The following MCPH1 variants were observed in gnomAD, a reference collection of about 807,000 sequenced individuals.
MCPH1 encodes microcephalin.
MCPH1 carries 104 observed loss-of-function variants against 84.5 expected under a neutral mutation model. The observed-to-expected ratio is 1.23, with a 90% CI of 1.05 to 1.45. The LOEUF (loss-of-function observed/expected upper bound fraction) is 1.45. Among genes scored for constraint, MCPH1 ranks in the 40% most tolerant of loss-of-function variants. The pLI is 0.00. For synonymous variants in MCPH1, 514 were observed against 366.8 expected (o/e 1.40, Z -4.58); for missense variants, 1,498 against 1,005.7 (o/e 1.49, Z -6.62).
intron 3 of MCPH1, among the ~76,000 whole-genome samples, chr8:6,427,216 G>C (rs569491311): frequency 2.0e-5 from 3 of 152,168 alleles, no homozygotes; most frequent in Non-Finnish European, 4.4e-5. Context: ...AATTGAGCTC[G>C]CTAGACTGGA....
intron 12 of MCPH1, chr8:6,513,642 T>C: frequency 1.3e-6 from 2 of 1,582,128 alleles, no homozygotes; most frequent in South Asian, 2.3e-5. Flanking sequence ...CACAAATCTT[T>C]TAATTTTTTC....
intron 12 of MCPH1, chr8:6,514,870 G>T: frequency 1.9e-6 from 2 of 1,073,934 alleles, no homozygotes; most frequent in South Asian, 1.4e-5. Flanking sequence ...CTGAGTGCAG[G>T]ACTCAGCCGA....
chr8:6,528,929 T>C (rs1818912056), intron 12 of MCPH1, among the ~76,000 whole-genome samples: 1 of 152,240 alleles, frequency 6.6e-6, no homozygotes, highest in Non-Finnish European at 1.5e-5. Flanking sequence ...CGTAAGGTTT[T>C]GTTTGGGTTT....
chr8:6,505,364 TATAGAA>T (rs1813275344), intron 12 of MCPH1, among the ~76,000 whole-genome samples: 3 of 79,360 alleles, frequency 3.8e-5, no homozygotes, highest in African/African-American at 1.6e-4. Flanking sequence ...TCTATATGTA[TATAGAA>T]TATATATATT....
At chr8:6,516,688 G>A (rs933466718) in intron 12 of MCPH1, among the ~76,000 whole-genome samples, 2 of 152,184 alleles carry the variant, frequency 1.3e-5, no homozygotes, top group Non-Finnish European at 2.9e-5. Flanking sequence ...ATATATTGAA[G>A]TTAATTCTGT....
chr8:6,574,427 C>G (rs1250138989), intron 12 of MCPH1, among the ~76,000 whole-genome samples: 5 of 152,216 alleles, frequency 3.3e-5, no homozygotes, highest in African/African-American at 9.7e-5. Flanking sequence ...CTCCTCTCAA[C>G]TAGTTAAACC....
intron 8 of MCPH1, chr8:6,447,455 A>G (rs1804566442): frequency 4.1e-6 from 4 of 980,850 alleles, no homozygotes; most frequent in African/African-American, 1.7e-5. Flanking sequence ...TCTAAGATAC[A>G]GTGTAAAAAA....
chr8:6,567,848 G>A (rs1382668428), intron 12 of MCPH1, among the ~76,000 whole-genome samples: 1 of 152,302 alleles, frequency 6.6e-6, no homozygotes, highest in African/African-American at 2.4e-5. Context: ...ACCACAAGAG[G>A]CAAGTGAGAC....
Position 6,409,288 on chromosome 8 carries a change from C to A in MCPH1, c.32C>A (p.Ala11Asp), listed in dbSNP as rs767448816. Residue 11 changes from alanine (A) to aspartate (D), a missense_variant, in exon 2 of 14, where the codon GCC becomes GAC. By Grantham distance (126) the Ala-to-Asp change is moderately radical. Transcript: ENST00000344683. MAAPILKDVV[A>D]YVEVWSSNGT... ...CATATCTTGTTTTCAGATGTAGTGG[C>A]CTATGTTGAAGTGTGGTCATCCAAT... The A allele has an allele frequency of 8.1e-6, 13 of 1,612,720 alleles. No individual in the cohort carries two copies. Among genetic ancestry groups the A allele is most frequent in the Non-Finnish European group, 1.1e-5 (13 of 1,178,790 alleles).
At chr8:6,410,759 G>T (rs1798427798) in intron 2 of MCPH1, among the ~76,000 whole-genome samples, 1 of 152,148 alleles carries the variant, frequency 6.6e-6, no homozygotes, top group South Asian at 2.1e-4. Flanking sequence ...GAAGTAGGGT[G>T]ATCTAAGCTG....
At chr8:6,630,331 G>A (rs1456299513) in intron 13 of MCPH1, among the ~76,000 whole-genome samples, 1 of 152,036 alleles carries the variant, frequency 6.6e-6, no homozygotes, top group Non-Finnish European at 1.5e-5. Context: ...GTTATCGTAA[G>A]GATATTTTAA....
At chr8:6,619,306 T>C (rs1176288980) in intron 12 of MCPH1, 1 of 152,288 alleles carries the variant, frequency 6.6e-6, no homozygotes, top group Non-Finnish European at 1.5e-5. Flanking sequence ...TATTTTATTG[T>C]TTGAGACAGA....
intron 3 of MCPH1, among the ~76,000 whole-genome samples, chr8:6,422,972 G>A (rs1388677939): frequency 6.6e-6 from 1 of 151,418 alleles, no homozygotes; most frequent in Non-Finnish European, 1.5e-5. Context: ...ACAGGCGTGA[G>A]CCACTGTGCC....
chr8:6,546,825 G>C (rs1822664157), intron 12 of MCPH1, among the ~76,000 whole-genome samples: 1 of 152,166 alleles, frequency 6.6e-6, no homozygotes. Flanking sequence ...TCTATGATTT[G>C]ATATGTTTAT....
chr8:6,602,295 G>A (rs967510948), intron 12 of MCPH1, among the ~76,000 whole-genome samples: 2 of 152,222 alleles, frequency 1.3e-5, no homozygotes, highest in Admixed American at 1.3e-4. Flanking sequence ...GCTGGAGCAG[G>A]AGAGGGACCG....
At position 6,549,263 on chromosome 8, in the gene MCPH1, A is replaced by G. The variant is rs185130067; in HGVS notation, c.2214+49334A>G. Among the ~76,000 whole-genome samples, 15 of 152,392 alleles carry G rather than the reference A, an allele frequency of 9.8e-5. No individual in the cohort carries two copies. In the East Asian group the frequency reaches 2.9e-3, roughly 29 times the overall value. ...TACGTAAATTGTGTTATACAGCGAAACACTGCACGGTGATGGAAAAGAAGA... is the reference window on the plus strand; with the variant it reads ...TACGTAAATTGTGTTATACAGCGAAGCACTGCACGGTGATGGAAAAGAAGA... On this transcript the variant is annotated intron_variant, in intron 12 of 13. Coordinates refer to ENST00000344683, the MANE Select transcript of MCPH1 (RefSeq NM_024596.5).
intron 2 of MCPH1, among the ~76,000 whole-genome samples, chr8:6,411,205 C>A (rs900624122): frequency 6.6e-6 from 1 of 152,150 alleles, no homozygotes. Flanking sequence ...GTGGTTGCAG[C>A]CTGTTTGAAC....
chr8:6,411,806 C>T (rs1563167098), intron 2 of MCPH1, among the ~76,000 whole-genome samples: 2 of 152,112 alleles, frequency 1.3e-5, no homozygotes, highest in South Asian at 4.1e-4. Flanking sequence ...AGGATTCAGG[C>T]ATCCACTGGG....
At chr8:6,585,041 A>T (rs2129577279) in intron 12 of MCPH1, among the ~76,000 whole-genome samples, 1 of 152,362 alleles carries the variant, frequency 6.6e-6, no homozygotes, top group Non-Finnish European at 1.5e-5. Context: ...GGGCACAGTG[A>T]GTTGTATTTT....
Sources: gnomAD v4.1 joint callset for allele counts (sites outside exome capture counted in the v4.1 genomes callset) on GRCh38, gnomAD v4.1.1 for gene constraint, MANE v1.5 for transcripts, NCBI Gene and HGNC (gene_info 2026-07-23, HGNC 2026-07-21) for gene names.